UNC13C: variants seen among roughly 807,000 people sequenced by gnomAD.
UNC13C encodes protein unc-13 homolog C.
In UNC13C, 174 loss-of-function variants were observed where a neutral mutation model predicts 245.4. The ratio of observed to expected loss-of-function variants is 0.71; its 90% CI spans 0.63 to 0.80. The LOEUF (loss-of-function observed/expected upper bound fraction) is 0.80. Among genes scored for constraint, UNC13C ranks in the 30% least tolerant of loss-of-function variants. The pLI is 0.00. For missense variants in UNC13C, 2,829 were observed against 2,602.9 expected, an observed-to-expected ratio of 1.09 and a Z score of -1.89; for synonymous variants, 992 against 895.1, an observed-to-expected ratio of 1.11 and a Z score of -1.93.
intron 19 of UNC13C, among the ~76,000 whole-genome samples, chr15:54,488,758 TA>T (rs1484463150): frequency 6.6e-6 from 1 of 152,172 alleles, no homozygotes; most frequent in African/African-American, 2.4e-5. Context: ...GGTAGTAAAA[TA>T]TTCACATTTC....
chr15:54,550,482 C>CTGG (rs1194160203), intron 28 of UNC13C, among the ~76,000 whole-genome samples: 1 of 152,154 alleles, frequency 6.6e-6, no homozygotes, highest in African/African-American at 2.4e-5. Context: ...CCTCCCCCAG[C>CTGG]TGGTAGCTCA....
At chr15:54,379,679 A>G (rs1456753548) in intron 17 of UNC13C, among the ~76,000 whole-genome samples, 2 of 152,058 alleles carry the variant, frequency 1.3e-5, no homozygotes, top group Non-Finnish European at 2.9e-5. Flanking sequence ...CTATCAAGCA[A>G]CCTACATGGT....
intron 10 of UNC13C, among the ~76,000 whole-genome samples, chr15:54,270,562 T>A (rs2036660635): frequency 6.6e-6 from 1 of 152,158 alleles, no homozygotes; most frequent in Non-Finnish European, 1.5e-5. Context: ...ATCTTTGTGC[T>A]GAGCTTCAGG....
At chr15:54,230,552 T>G (rs1226977753) in intron 4 of UNC13C, among the ~76,000 whole-genome samples, 1 of 152,096 alleles carries the variant, frequency 6.6e-6, no homozygotes, top group African/African-American at 2.4e-5. Context: ...AGAACATATG[T>G]AATTTGTATA....
intron 24 of UNC13C, among the ~76,000 whole-genome samples, chr15:54,514,694 A>G (rs1452452250): frequency 2.8e-5 from 4 of 144,782 alleles, no homozygotes; most frequent in Non-Finnish European, 3.1e-5. Context: ...TAGTTGAGGC[A>G]GCTGTTTTTT....
chr15:54,558,171 G>A (rs749857593), intron 29 of UNC13C, among the ~76,000 whole-genome samples: 4 of 152,028 alleles, frequency 2.6e-5, no homozygotes, highest in Non-Finnish European at 4.4e-5. Flanking sequence ...GTTAGTGGGT[G>A]CAGCACACCA....
intron 19 of UNC13C, among the ~76,000 whole-genome samples, chr15:54,452,145 C>A (rs545416289): frequency 2.0e-5 from 3 of 152,280 alleles, no homozygotes; most frequent in South Asian, 4.1e-4. Context: ...TCCTCAGACC[C>A]CAGTGTGAGC....
At chr15:53,861,939 G>A in the UNC13C span, among the ~76,000 whole-genome samples, 3 of 152,070 alleles carry the variant, frequency 2.0e-5, no homozygotes, top group Non-Finnish European at 2.9e-5. Flanking sequence ...TCCTTGCCTG[G>A]TATGTTGCTA....
chr15:53,865,104 G>A, the UNC13C span, among the ~76,000 whole-genome samples: 14 of 152,272 alleles, frequency 9.2e-5, 1 homozygote, highest in African/African-American at 3.4e-4. Context: ...TAAATTGATT[G>A]AATTTGTACT....
chr15:54,395,897 G>T (rs1389837435), intron 18 of UNC13C, among the ~76,000 whole-genome samples: 1 of 151,608 alleles, frequency 6.6e-6, no homozygotes, highest in Non-Finnish European at 1.5e-5. Context: ...TGTTTGTTCT[G>T]TCTATTCCCA....
At position 54,546,765 on chromosome 15, in the gene UNC13C, C is replaced by T; in HGVS notation, c.5740C>T (p.Arg1914Ter). Residue 1914 changes from arginine to a stop codon, truncating the protein, a stop_gained, in exon 27 of 33, where the codon CGA (arginine) becomes TGA (stop). Transcript: ENST00000260323. LOFTEE classifies it high-confidence loss of function. Reference protein sequence around the residue: ...AKICEKTVLKRVLKELWKLVL... With the variant: ...AKICEKTVLK ...AATCTGTGAGAAAACAGTCCTAAAG[C>T]GAGTTTTAAAAGAGTTATGGAAGCT... The T allele has an allele frequency of 6.5e-7, 1 of 1,548,780 alleles. No individual in the cohort carries two copies. Among genetic ancestry groups the T allele is most frequent in the Non-Finnish European group, 8.7e-7 (1 of 1,145,146 alleles).
the UNC13C span, among the ~76,000 whole-genome samples, chr15:53,876,520 TTTCTTCC>T: frequency 1.2e-3 from 190 of 152,222 alleles, no homozygotes; most frequent in Admixed American, 4.0e-3. Context: ...CGTGGATCAG[TTTCTTCC>T]CTCTAAAGCC....
intron 19 of UNC13C, among the ~76,000 whole-genome samples, chr15:54,448,170 T>C (rs1229271221): frequency 1.3e-5 from 2 of 152,364 alleles, no homozygotes; most frequent in East Asian, 3.9e-4. Flanking sequence ...CTTTTATGTT[T>C]GCTGAGAAAT....
intron 22 of UNC13C, 111 bp from the exon 23 acceptor site, chr15:54,507,006 G>A (rs748343983): frequency 1.6e-6 from 1 of 632,792 alleles, no homozygotes; most frequent in African/African-American, 1.8e-5. Flanking sequence ...AGAAAAAAAT[G>A]TAGAACTAAG....
In UNC13C at chr15:54,352,353, TAGAG is replaced by T. The variant is rs58227062; in HGVS notation, c.4713+13875_4713+13878del. ...AATTATATAAATGTATATATATATA[TAGAG>T]AGAGAGAGAGTGAGTCAGGTTATCC... On this transcript the variant is annotated intron_variant, in intron 17 of 32. Transcript: ENST00000260323. Among the ~76,000 whole-genome samples, 108 of 133,544 alleles carry T rather than the reference TAGAG, an allele frequency of 8.1e-4. 1 individual carries two copies. Among genetic ancestry groups the T allele is most frequent in the African/African-American group, 2.7e-3 (105 of 38,792 alleles). 87.6% of individuals were successfully genotyped at this position (133,544 alleles called of 152,430 possible). A position where few individuals can be genotyped will look rare whatever the true frequency, so the allele number is the denominator to read the frequency against.
In UNC13C at chr15:54,322,006, G is replaced by A. The variant is rs2038174914; in HGVS notation, c.4336G>A (p.Ala1446Thr). ...CCCTGCCGTCATGAGCACCTTGCTG[G>A]CTAATATAAATGCTTTTTATGCTCA... ...GVPAVMSTLL[A>T]NINAFYAHTT... Residue 1446 changes from alanine to threonine, a missense_variant, in exon 14 of 33, where the codon GCT becomes ACT. Ala to Thr is a moderately conservative substitution (Grantham distance 58). Transcript: ENST00000260323. 6.3e-7 allele frequency: 1 copy of A among 1,588,520 alleles called. No homozygotes were observed. Among genetic ancestry groups the A allele is most frequent in the East Asian group, 2.3e-5 (1 of 43,946 alleles).
chr15:54,423,603 T>C (rs1371944597), intron 19 of UNC13C, among the ~76,000 whole-genome samples: 1 of 151,832 alleles, frequency 6.6e-6, no homozygotes, highest in Non-Finnish European at 1.5e-5. Flanking sequence ...GGCAAGGTAT[T>C]TGAATGGAGC....
At chr15:53,889,535 A>G in the UNC13C span, among the ~76,000 whole-genome samples, 6 of 152,140 alleles carry the variant, frequency 3.9e-5, no homozygotes, top group Non-Finnish European at 8.8e-5. Context: ...CTATTTGAAT[A>G]CCATTTATTT....
At chr15:54,431,165 A>G (rs1037800881) in intron 19 of UNC13C, among the ~76,000 whole-genome samples, 13 of 151,934 alleles carry the variant, frequency 8.6e-5, no homozygotes, top group African/African-American at 3.1e-4. Context: ...TTATATATCC[A>G]AGAAATTTAA....
Sources: gnomAD v4.1 joint callset for allele counts (sites outside exome capture counted in the v4.1 genomes callset) on GRCh38, gnomAD v4.1.1 for gene constraint, MANE v1.5 for transcripts, NCBI Gene and HGNC (gene_info 2026-07-23, HGNC 2026-07-21) for gene names.